NUP210L: variants seen among roughly 807,000 people sequenced by gnomAD.
NUP210L encodes the protein nuclear pore membrane glycoprotein 210-like.
NUP210L carries 74 observed loss-of-function variants against 208.5 expected under a neutral mutation model. The ratio of observed to expected loss-of-function variants is 0.35; its 90% CI spans 0.29 to 0.43. NUP210L has a LOEUF of 0.43. NUP210L is among the 20% of genes least tolerant of loss of function. The pLI is 1.00. For missense variants in NUP210L, 1,843 were observed against 2,289.4 expected, an observed-to-expected ratio of 0.81 and a Z score of 3.98; for synonymous variants, 780 against 816.9, an observed-to-expected ratio of 0.95 and a Z score of 0.77.
intron 1 of NUP210L, 152 bp downstream of exon 1, chr1:154,154,690 A>G (rs1224088606): frequency 3.1e-6 from 2 of 645,514 alleles, no homozygotes; most frequent in Admixed American, 2.8e-5. Flanking sequence ...GCTCCTCGCC[A>G]CCTTCACTGA....
intron 33 of NUP210L, among the ~76,000 whole-genome samples, chr1:154,018,498 C>A (rs1051949374): frequency 1.3e-5 from 2 of 152,152 alleles, no homozygotes; most frequent in African/African-American, 4.8e-5. Context: ...AGCTGTTCAA[C>A]CAAAAACCTG....
intron 33 of NUP210L, among the ~76,000 whole-genome samples, chr1:154,018,566 C>T (rs1269246112): frequency 6.6e-6 from 1 of 152,136 alleles, no homozygotes; most frequent in South Asian, 2.1e-4. Context: ...TCTATTGGCT[C>T]TACCTATAAA....
chr1:154,037,615 CTTAT>C (rs1159987321), intron 27 of NUP210L, among the ~76,000 whole-genome samples: 3 of 151,962 alleles, frequency 2.0e-5, no homozygotes, highest in Non-Finnish European at 4.4e-5. Flanking sequence ...ATTGTTGGAT[CTTAT>C]TTATTTATTT....
At chr1:154,100,560 C>G (rs1656416922) in intron 13 of NUP210L, among the ~76,000 whole-genome samples, 2 of 145,312 alleles carry the variant, frequency 1.4e-5, no homozygotes, top group African/African-American at 5.1e-5. Context: ...CTCTTGTTGC[C>G]CAGGCTGGAG....
chr1:154,127,264 A>G (rs776457050), intron 9 of NUP210L, 47 bp downstream of exon 9: 2 of 896,016 alleles, frequency 2.2e-6, no homozygotes, highest in Admixed American at 2.1e-5. Flanking sequence ...CATCTTATGT[A>G]TCTTATCCCT....
chr1:154,017,106 C>A (rs1354155710), intron 33 of NUP210L, among the ~76,000 whole-genome samples: 2 of 152,044 alleles, frequency 1.3e-5, no homozygotes, highest in African/African-American at 4.8e-5. Context: ...CATGGTGAAA[C>A]CCTGTCTCTA....
At position 154,065,100 on chromosome 1, in the gene NUP210L, TAAAATAAAATAAAATA is replaced by T. The variant is rs1161867220; in HGVS notation, c.2555-3442_2555-3427del. 3.2e-4 allele frequency among the ~76,000 whole-genome samples: 25 copies of T among 78,414 alleles called. No individual in the cohort carries two copies. The Admixed American group carries it at 4.4e-3, about 14-fold the overall frequency. 51.4% of individuals were successfully genotyped at this position (78,414 alleles called of 152,430 possible). On this transcript the variant is annotated intron_variant, in intron 17 of 39. Coordinates refer to ENST00000368559, the Ensembl canonical transcript of NUP210L. ...CAGTAAATAAATAAATAAAATAAAA[TAAAATAAAATAAAATA>T]AAATAAAATAAAATAAAATAAAATC...
chr1:154,011,348 C>T (rs1046965990), intron 34 of NUP210L, among the ~76,000 whole-genome samples: 2 of 150,706 alleles, frequency 1.3e-5, no homozygotes, highest in African/African-American at 4.9e-5. Context: ...CTCAGCCTCC[C>T]GAGTAGCTGG....
Position 154,032,983 on chromosome 1 carries a change from GAAAAGA to G in NUP210L, c.3697-2935_3697-2930del, listed in dbSNP as rs1270093265. On this transcript the variant is annotated intron_variant, in intron 27 of 39. Transcript: ENST00000368559. ...GAAAAGAAAAGAAAAGAAAAGAAAA[GAAAAGA>G]AAAGAAAGAAAGAAAAAAAGAAAGA... is the stretch of plus-strand genomic sequence containing the variant. Among the ~76,000 whole-genome samples the G allele has an allele frequency of 9.6e-5, 13 of 135,330 alleles. No homozygotes were observed. The East Asian group carries it at 2.3e-3, about 24-fold the overall frequency. 88.8% of individuals were successfully genotyped at this position (135,330 alleles called of 152,430 possible).
intron 35 of NUP210L, among the ~76,000 whole-genome samples, chr1:154,008,914 A>ATT (rs35252794): frequency 7.6e-5 from 11 of 144,870 alleles, no homozygotes; most frequent in East Asian, 4.0e-4. Flanking sequence ...TATACCTTAC[A>ATT]TTTTTTTTTT....
rs1166718180 is a variant in NUP210L, at chr1:154,027,610, A to G, written c.3856-13T>C. 6 of 1,587,044 alleles carry G rather than the reference A, an allele frequency of 3.8e-6. No homozygotes were observed. The highest frequency in any genetic ancestry group is 5.2e-6 in the Non-Finnish European group (6 of 1,157,490). The stretch of plus-strand genomic sequence containing the variant: ...GTTTTTCAAACACCTATAATGAGAA[A>G]ATGTTTTCCTCATTTTTGGCAAAGA... On this transcript the variant is annotated splice_polypyrimidine_tract_variant and intron_variant, in intron 28 of 39. Coordinates refer to ENST00000368559, the Ensembl canonical transcript of NUP210L.
intron 17 of NUP210L, among the ~76,000 whole-genome samples, chr1:154,066,179 A>G (rs1301061648): frequency 2.0e-5 from 3 of 152,200 alleles, no homozygotes; most frequent in African/African-American, 7.2e-5. Context: ...AGCAGGAAAG[A>G]TCTAAAATTG....
At chr1:154,140,712 G>A (rs1409150372) in intron 4 of NUP210L, among the ~76,000 whole-genome samples, 2 of 148,512 alleles carry the variant, frequency 1.3e-5, no homozygotes, top group African/African-American at 2.5e-5. Context: ...GGCCAGACAC[G>A]GTGGCTCACG....
At position 154,080,713 on chromosome 1, in the gene NUP210L, A is replaced by G. The variant is rs1057218458; in HGVS notation, c.2361+8708T>C. The stretch of plus-strand genomic sequence containing the variant: ...AATAAATAAATAAATAACAACAACA[A>G]AAACACCCAGCACTTTGGGAGGCCA... On this transcript the variant is annotated intron_variant, in intron 16 of 39. Transcript: ENST00000368559. Among the ~76,000 whole-genome samples the G allele has an allele frequency of 2.0e-5, 3 of 147,756 alleles. No individual in the cohort carries two copies. In the Admixed American group the frequency reaches 2.0e-4, roughly 10 times the overall value.
intron 29 of NUP210L, among the ~76,000 whole-genome samples, chr1:154,026,110 C>T (rs150567399): frequency 0.02 from 2,974 of 151,698 alleles, 107 homozygotes; most frequent in African/African-American, 0.068. Flanking sequence ...TGGCGGGTGC[C>T]TGTAATCCCA....
chr1:154,145,311 G>T (rs771533874), intron 2 of NUP210L, among the ~76,000 whole-genome samples: 4 of 149,608 alleles, frequency 2.7e-5, no homozygotes, highest in African/African-American at 7.4e-5. Flanking sequence ...CCAGCTACTC[G>T]GGAGGCTGAG....
At chr1:154,000,514 T>C (rs1650150414) in intron 37 of NUP210L, among the ~76,000 whole-genome samples, 2 of 152,216 alleles carry the variant, frequency 1.3e-5, no homozygotes, top group Admixed American at 1.3e-4. Flanking sequence ...TAAGGGTTAC[T>C]TGAAACAAGC....
At chr1:154,147,102 T>C (rs1409736553) in intron 2 of NUP210L, among the ~76,000 whole-genome samples, 1 of 152,154 alleles carries the variant, frequency 6.6e-6, no homozygotes. Flanking sequence ...ATGAATAGCA[T>C]ATACAAAGGG....
chr1:154,063,918 C>T (rs1289642265), intron 17 of NUP210L, among the ~76,000 whole-genome samples: 3 of 150,326 alleles, frequency 2.0e-5, no homozygotes, highest in Non-Finnish European at 4.4e-5. Context: ...AGATGTAGAA[C>T]CATTCAATGG....
Sources: gnomAD v4.1 joint callset for allele counts (sites outside exome capture counted in the v4.1 genomes callset) on GRCh38, gnomAD v4.1.1 for gene constraint, MANE v1.5 for transcripts, NCBI Gene and HGNC (gene_info 2026-07-23, HGNC 2026-07-21) for gene names.